Variants in PTPRU observed in about 807,000 individuals in gnomAD.
The protein encoded by PTPRU is receptor-type tyrosine-protein phosphatase U.
PTPRU carries 69 observed loss-of-function variants against 166.3 expected under a neutral mutation model. The ratio of observed to expected loss-of-function variants is 0.41; its 90% confidence interval spans 0.34 to 0.51. The LOEUF is 0.51. PTPRU is among the 20% of genes least tolerant of loss of function. PTPRU has a pLI of 0.09. For synonymous variants in PTPRU, 793 were observed against 814.0 expected, an observed-to-expected ratio of 0.97 and a Z score of 0.44; for missense variants, 1,657 against 2,013.7, an observed-to-expected ratio of 0.82 and a Z score of 3.39.
intron 1 of PTPRU, among the ~76,000 whole-genome samples, chr1:29,246,573 G>A (rs1036573804): frequency 3.9e-5 from 6 of 152,038 alleles, no homozygotes; most frequent in Non-Finnish European, 5.9e-5. Context: ...ACCGGATTGC[G>A]GGACCCAGAG....
chr1:29,266,010 GTTTTT>G (rs34163524), intron 7 of PTPRU, among the ~76,000 whole-genome samples: 3,689 of 78,866 alleles, frequency 0.047, 18 homozygotes, highest in South Asian at 0.09. Context: ...TTTCTCCTGG[GTTTTT>G]TTTTTTTTTT....
chr1:29,315,306 T>C lies in PTPRU; in HGVS notation c.3228-66T>C. 1.9e-6 allele frequency: 3 copies of C among 1,598,224 alleles called. No individual in the cohort carries two copies. Among genetic ancestry groups the C allele is most frequent in the Non-Finnish European group, 2.6e-6 (3 of 1,169,008 alleles). ...AGACATGGCCAGTGCCCTCCTCTCT[T>C]CTTCTCCTTAGTCCCGGGCTTCCTC... On this transcript the variant is annotated intron_variant, in intron 22 of 29. Transcript: ENST00000373779. This position sits in a 1 kb window ranked among gnomAD's most constrained non-coding sequence, Gnocchi z 4.5.
At chr1:29,261,591 G>A (rs1226457033) in intron 7 of PTPRU, among the ~76,000 whole-genome samples, 5 of 152,078 alleles carry the variant, frequency 3.3e-5, no homozygotes, top group African/African-American at 9.7e-5. Context: ...GCACAGTGGC[G>A]CGATCTTGGT....
In PTPRU at chr1:29,314,624, C is replaced by T. The variant is rs138676080; in HGVS notation, c.3228-748C>T. On this transcript the variant is annotated intron_variant, in intron 22 of 29. Coordinates refer to ENST00000373779, the MANE Select transcript of PTPRU (RefSeq NM_133178.4). ...ACAGGATCTTGTTCTGTCATCCAGG[C>T]TGGAGTGCAGTGGTGTGGTCTTGGT... Among the ~76,000 whole-genome samples the T allele has an allele frequency of 6.2e-3, 948 of 151,708 alleles. 9 individuals are homozygous for T. The highest frequency in any genetic ancestry group is 0.022 in the African/African-American group (894 of 41,270).
At chr1:29,256,956 A>G (rs184386297) in intron 2 of PTPRU, among the ~76,000 whole-genome samples, 1 of 152,324 alleles carries the variant, frequency 6.6e-6, no homozygotes, top group East Asian at 1.9e-4. Context: ...GTGGTGAGCC[A>G]GATGGACAGT....
rs773672581 is a variant in PTPRU, at chr1:29,260,245, C to T, written c.850+201C>T. On this transcript the variant is annotated intron_variant, in intron 6 of 29. Transcript: ENST00000373779. This position sits in a 1 kb window ranked among gnomAD's most constrained non-coding sequence, Gnocchi z 8.3. ...CTGATCTAGGGGTCGGGGCTGGCTTCGAGGGGGACGGACAGGGTCAAGGTG... is the reference window on the plus strand; with the variant it reads ...CTGATCTAGGGGTCGGGGCTGGCTTTGAGGGGGACGGACAGGGTCAAGGTG... The T allele has an allele frequency of 1.7e-5, 10 of 575,718 alleles. No homozygotes were observed. Among genetic ancestry groups the T allele is most frequent in the Non-Finnish European group, 2.7e-5 (10 of 369,054 alleles). The allele number at this position is 575,718 out of a possible 1,614,324, so 35.7% of individuals were successfully genotyped here.
At chr1:29,239,939 TG>T (rs1295768054) in intron 1 of PTPRU, among the ~76,000 whole-genome samples, 2 of 152,192 alleles carry the variant, frequency 1.3e-5, no homozygotes, top group African/African-American at 2.4e-5. Context: ...CCTTATCCCT[TG>T]GCCCTGTTGC....
intron 14 of PTPRU, among the ~76,000 whole-genome samples, chr1:29,285,237 GTGTCTGCCC>G (rs1213285809): frequency 6.6e-6 from 1 of 152,164 alleles, no homozygotes; most frequent in Non-Finnish European, 1.5e-5. Context: ...TTCAGCCAAG[GTGTCTGCCC>G]TGCTTATGGG....
intron 1 of PTPRU, among the ~76,000 whole-genome samples, chr1:29,245,762 A>C (rs1030488234): frequency 3.3e-5 from 5 of 152,084 alleles, no homozygotes; most frequent in Non-Finnish European, 5.9e-5. Context: ...TGGGAAGGTG[A>C]ATTCTCCTGG....
chr1:29,243,132 C>T (rs913573732), intron 1 of PTPRU, among the ~76,000 whole-genome samples: 1 of 152,126 alleles, frequency 6.6e-6, no homozygotes, highest in Non-Finnish European at 1.5e-5. Context: ...CTCCTGACCT[C>T]ATGACCTGCC....
At chr1:29,313,359 G>T (rs998617336) in intron 22 of PTPRU, among the ~76,000 whole-genome samples, 1 of 152,050 alleles carries the variant, frequency 6.6e-6, no homozygotes, top group Non-Finnish European at 1.5e-5. Context: ...CCCAAATGCC[G>T]CATGGTAGAG....
In PTPRU at chr1:29,280,361, G is replaced by T. The variant is rs1686007866; in HGVS notation, c.1868+220G>T. Among the ~76,000 whole-genome samples the T allele has an allele frequency of 6.6e-6, 1 of 152,240 alleles. No homozygotes were observed. The highest frequency in any genetic ancestry group is 2.4e-5 in the African/African-American group (1 of 41,466). ...ATGGGTCTCAGATGGTGACTGTCAG[G>T]AGGACCCTGGATAGGTCCAGCCTGG... is the stretch of plus-strand genomic sequence containing the variant. On this transcript the variant is annotated intron_variant, in intron 11 of 29. Transcript: ENST00000373779. The surrounding 1 kb of genome is among the most constrained non-coding windows in gnomAD (Gnocchi z 4.2).
intron 15 of PTPRU, among the ~76,000 whole-genome samples, chr1:29,302,716 A>AT (rs1334160454): frequency 2.0e-5 from 3 of 151,900 alleles, no homozygotes; most frequent in Admixed American, 1.3e-4. Flanking sequence ...TACCCAGCTA[A>AT]TTTTTTGTAT....
At chr1:29,258,365 T>C in intron 2 of PTPRU, 140 bp from the exon 3 acceptor site, 1 of 884,482 alleles carries the variant, frequency 1.1e-6, no homozygotes, top group Non-Finnish European at 1.7e-6. Flanking sequence ...CCCAGGGAGG[T>C]GGAGCTGGGG....
rs141094521 is a variant in PTPRU, at chr1:29,317,910, G to T, written c.3676G>T (p.Ala1226Ser). 1 of 1,613,914 alleles carries T rather than the reference G, an allele frequency of 6.2e-7. No homozygotes were observed. The highest frequency in any genetic ancestry group is 8.5e-7 in the Non-Finnish European group (1 of 1,180,020). The change falls in exon 25 of 30, where the codon GCC (alanine) becomes TCC (serine). Residue 1226 changes from alanine (A) to serine (S), a missense_variant. Physicochemically the swap from Ala to Ser is moderately conservative, Grantham distance 99. Coordinates refer to ENST00000373779, the MANE Select transcript of PTPRU (RefSeq NM_133178.4). The surrounding 1 kb of genome is among the most constrained non-coding windows in gnomAD (Gnocchi z 5.6). ...DGDSNNYINA[A>S]LTDSYTRSAA... ...GGACTCCAACAACTACATTAATGCAGCCCTGACTGACGTGAGAGCTTGGGG... is the reference window on the plus strand; with the variant it reads ...GGACTCCAACAACTACATTAATGCATCCCTGACTGACGTGAGAGCTTGGGG...
chr1:29,324,012 A>G (rs531617701), intron 28 of PTPRU, among the ~76,000 whole-genome samples: 10 of 152,352 alleles, frequency 6.6e-5, no homozygotes, highest in African/African-American at 2.2e-4. Flanking sequence ...ACTGCCCAGT[A>G]TCCTCTGTGT....
At chr1:29,303,732 C>A in intron 15 of PTPRU, 123 bp from the exon 16 acceptor site, 2 of 1,091,888 alleles carry the variant, frequency 1.8e-6, no homozygotes, top group Non-Finnish European at 2.6e-6. Context: ...TTGGCTCCAG[C>A]CAACAACCCA....
At chr1:29,305,905 G>T (rs900737637) in intron 18 of PTPRU, among the ~76,000 whole-genome samples, 1 of 152,172 alleles carries the variant, frequency 6.6e-6, no homozygotes, top group African/African-American at 2.4e-5. Flanking sequence ...TATCCAGCAC[G>T]TACTGAGTGC....
Position 29,255,422 on chromosome 1 carries a change from A to G in PTPRU, c.205+16A>G. On this transcript the variant is annotated intron_variant, in intron 2 of 29. Coordinates refer to ENST00000373779, the MANE Select transcript of PTPRU (RefSeq NM_133178.4). ...CTGCCCCACGGTAAGTCTACTCTCC[A>G]TCGCCATTACCCCTTCTTCTCCTTC... 3 of 1,613,400 alleles carry G rather than the reference A, an allele frequency of 1.9e-6. No homozygotes were observed. Among genetic ancestry groups the G allele is most frequent in the South Asian group, 2.2e-5 (2 of 91,036 alleles).
Sources: gnomAD v4.1 joint callset for allele counts (sites outside exome capture counted in the v4.1 genomes callset) on GRCh38, gnomAD v4.1.1 for gene constraint, Gnocchi (gnomAD v3.1) non-coding constraint, MANE v1.5 for transcripts, NCBI Gene and HGNC (gene_info 2026-07-23, HGNC 2026-07-21) for gene names.